Variants in TNS2 observed in about 807,000 individuals in gnomAD.
TNS2 encodes tensin 2.
TNS2 carries 77 observed loss-of-function variants against 155.7 expected under a neutral mutation model. The observed-to-expected ratio is 0.49, with a 90% CI of 0.41 to 0.60. The LOEUF (loss-of-function observed/expected upper bound fraction) is 0.60. Ranked by LOEUF, TNS2 falls within the 20% of genes least tolerant of loss-of-function variation. The probability of loss-of-function intolerance (pLI) is 0.00; values close to 1 mark genes in which losing one functional copy is unlikely to be tolerated. For synonymous variants in TNS2, 726 were observed against 763.9 expected (o/e 0.95, Z 0.82); for missense variants, 1,703 against 1,868.8 (o/e 0.91, Z 1.64).
Position 53,053,984 on chromosome 12 carries a change from A to C in TNS2, c.320A>C (p.Asn107Thr). The change falls in exon 6 of 29, where the codon AAC (asparagine) becomes ACC (threonine). Residue 107 changes from asparagine (N) to threonine (T), a missense_variant. Physicochemically the swap from Asn to Thr is moderately conservative, Grantham distance 65. Coordinates refer to ENST00000314250, the MANE Select transcript of TNS2 (RefSeq NM_170754.4). Reference sequence around the variant, plus strand: ...CACCAGGGATCCACCAAATCTCTGAACCACTCAAAGCAGCGCAGCACTCTG... The same window carrying C: ...CACCAGGGATCCACCAAATCTCTGACCCACTCAAAGCAGCGCAGCACTCTG... ...IEHLGSTKSL[N>T]HSKQRSTLPR... 1 of 1,614,196 alleles carries C rather than the reference A, an allele frequency of 6.2e-7. No homozygotes were observed.
At position 53,060,135 on chromosome 12, in the gene TNS2, TC is replaced by T. The variant is rs748836824; in HGVS notation, c.2498del (p.Pro833ArgfsTer12). 2 of 1,610,142 alleles carry T rather than the reference TC, an allele frequency of 1.2e-6. No individual in the cohort carries two copies. The highest frequency in any genetic ancestry group is 2.7e-5 in the African/African-American group (2 of 74,848). ...CCACTCCCCACGGGCTGGCTCCATTTCCCCGGGCAGCCCGCCCTATCCACAA... is the reference window on the plus strand; with the variant it reads ...CCACTCCCCACGGGCTGGCTCCATTTCCCGGGCAGCCCGCCCTATCCACAA... ...GAHSPRAGSI[S>X]PGSPPYPQSR... On this transcript the variant is annotated frameshift_variant, in exon 18 of 29. Transcript: ENST00000314250. LOFTEE classifies it high-confidence loss of function. This position sits in a 1 kb window ranked among gnomAD's most constrained non-coding sequence, Gnocchi z 6.1.
chr12:53,052,597 CT>C, intron 3 of TNS2, 105 bp downstream of exon 3: 1 of 1,467,968 alleles, frequency 6.8e-7, no homozygotes, highest in East Asian at 2.3e-5. Context: ...ACCTCCACCC[CT>C]CTCACCACTG....
At chr12:53,057,743 C>T (rs1944211622) in intron 12 of TNS2, 30 bp from the exon 13 acceptor site, 2 of 1,613,992 alleles carry the variant, frequency 1.2e-6, no homozygotes, top group Non-Finnish European at 1.7e-6. Context: ...ACTCAGCACC[C>T]CTCCTGTGCC....
rs2121055632 is a variant in TNS2 at position 53,050,511 on chromosome 12, T to TG, written c.75+253dup. On this transcript the variant is annotated intron_variant, in intron 1 of 28. Coordinates refer to ENST00000314250, the MANE Select transcript of TNS2 (RefSeq NM_170754.4). This position sits in a 1 kb window ranked among gnomAD's most constrained non-coding sequence, Gnocchi z 4.7. The stretch of plus-strand genomic sequence containing the variant: ...AGCCTGGGCCAACCCCAGGAGGTCC[T>TG]GGCCCCCCAACATAAGCCCCAGGTG... Among the ~76,000 whole-genome samples the TG allele has an allele frequency of 6.6e-6, 1 of 152,108 alleles. No individual in the cohort carries two copies. The highest frequency in any genetic ancestry group is 1.5e-5 in the Non-Finnish European group (1 of 68,004).
intron 4 of TNS2, 88 bp from the exon 5 acceptor site, chr12:53,053,686 C>T: frequency 1.3e-6 from 2 of 1,564,208 alleles, no homozygotes. Flanking sequence ...AGGACACTGA[C>T]ATTCCCTTCC....
chr12:53,057,841 C>T lies in TNS2; in HGVS notation c.1019+8C>T, dbSNP rs1944214577. ...CTACACATCTGGAGTCTAGTGAGTG[C>T]TCTATTCCCAGGCCCCTGACACTTC... On this transcript the variant is annotated splice_region_variant and intron_variant, in intron 13 of 28. Coordinates refer to ENST00000314250, the MANE Select transcript of TNS2 (RefSeq NM_170754.4). 1.2e-6 allele frequency: 2 copies of T among 1,613,888 alleles called. No individual in the cohort carries two copies. Among genetic ancestry groups the T allele is most frequent in the East Asian group, 4.5e-5 (2 of 44,890 alleles).
In TNS2 at chr12:53,059,233, C is replaced by A; in HGVS notation, c.1592C>A (p.Pro531Gln). 3.2e-6 allele frequency: 5 copies of A among 1,542,826 alleles called. No homozygotes were observed. The highest frequency in any genetic ancestry group is 4.3e-6 in the Non-Finnish European group (5 of 1,154,316). ...TEPAAESPGR[P>Q]PPTAAERQEL... The stretch of plus-strand genomic sequence containing the variant: ...CCGGCTGCTGAGTCCCCTGGCCGGC[C>A]GCCCCCTACAGCTGCTGAACGGCAG... The change falls in exon 18 of 29, where the codon CCG becomes CAG. Residue 531 changes from proline (P) to glutamine (Q), a missense_variant. Coordinates refer to ENST00000314250, the MANE Select transcript of TNS2 (RefSeq NM_170754.4). The surrounding 1 kb of genome is among the most constrained non-coding windows in gnomAD (Gnocchi z 4.7).
In TNS2 at chr12:53,063,829, G is replaced by C; in HGVS notation, c.4177G>C (p.Ala1393Pro). ...LFAELDPDQP[A>P]GAIVTFITKV... ...TGCAGAGCTTGACCCAGATCAGCCT[G>C]CTGGCGCCATTGTCACCTTCATCAC... is the stretch of plus-strand genomic sequence containing the variant. The change falls in exon 29 of 29, where the codon GCT becomes CCT. Residue 1393 changes from alanine (A) to proline (P), a missense_variant. Physicochemically the swap from Ala to Pro is conservative, Grantham distance 27 (BLOSUM62 -1). Transcript: ENST00000314250. This position sits in a 1 kb window ranked among gnomAD's most constrained non-coding sequence, Gnocchi z 5.6. 2 of 1,614,184 alleles carry C rather than the reference G, an allele frequency of 1.2e-6. No individual in the cohort carries two copies. Among genetic ancestry groups the C allele is most frequent in the Non-Finnish European group, 1.7e-6 (2 of 1,180,030 alleles).
In TNS2 at chr12:53,054,366, C is replaced by G. The variant is rs772874906; in HGVS notation, c.447C>G (p.Pro149=). The G allele has an allele frequency of 8.7e-6, 14 of 1,612,494 alleles. No homozygotes were observed. In the South Asian group the frequency reaches 1.4e-4, roughly 16 times the overall value. Residue 149 remains proline (P), a synonymous_variant, in exon 7 of 29, where the codon CCC becomes CCG. Transcript: ENST00000314250. Reference sequence around the variant, plus strand: ...TGGCCGCCGCCTTCCCCGCGCGGCCCGATGAACAGCGGCACCGGGGCCACC... The same window carrying G: ...TGGCCGCCGCCTTCCCCGCGCGGCCGGATGAACAGCGGCACCGGGGCCACC... ...RILAAAFPAR[P]DEQRHRGHLR...
At chr12:53,055,945 A>AGT in intron 10 of TNS2, 100 bp downstream of exon 10, 1 of 1,269,590 alleles carries the variant, frequency 7.9e-7, no homozygotes. Context: ...CTTCGTTGAG[A>AGT]GTCCTTTGCT....
chr12:53,059,897 C>A lies in TNS2; in HGVS notation c.2256C>A (p.Tyr752Ter). 6.2e-7 allele frequency: 1 copy of A among 1,612,876 alleles called. No homozygotes were observed. Among genetic ancestry groups the A allele is most frequent in the South Asian group, 1.1e-5 (1 of 91,040 alleles). The change falls in exon 18 of 29, where the codon TAC (tyrosine) becomes TAA (stop). Residue 752 changes from tyrosine to a stop codon, truncating the protein, a stop_gained. Transcript: ENST00000314250. LOFTEE classifies it high-confidence loss of function. This position sits in a 1 kb window ranked among gnomAD's most constrained non-coding sequence, Gnocchi z 4.7. ...CGHHHAPMPDYSCLKPPKAGE... is the reference protein window; with the variant it reads ...CGHHHAPMPD ...ATCACCATGCCCCGATGCCTGACTACAGCTGCCTGAAGCCACCCAAGGCAG... is the reference window on the plus strand; with the variant it reads ...ATCACCATGCCCCGATGCCTGACTAAAGCTGCCTGAAGCCACCCAAGGCAG...
chr12:53,059,123 C>G lies in TNS2; in HGVS notation c.1482C>G (p.Pro494=), dbSNP rs762491330. Residue 494 remains proline, a synonymous_variant, in exon 18 of 29, where the codon CCC becomes CCG. Transcript: ENST00000314250. This position sits in a 1 kb window ranked among gnomAD's most constrained non-coding sequence, Gnocchi z 4.7. Reference sequence around the variant, plus strand: ...TGCAGCGGCCTCCCCGGCAGACCCCCCCGGCACCCTCTCCAGAGCCTCCAC... The same window carrying G: ...TGCAGCGGCCTCCCCGGCAGACCCCGCCGGCACCCTCTCCAGAGCCTCCAC... ...AQVQRPPRQT[P]PAPSPEPPPP... 12 of 1,573,718 alleles carry G rather than the reference C, an allele frequency of 7.6e-6. 1 individual carries two copies. The South Asian group carries it at 1.4e-4, about 19-fold the overall frequency.
At position 53,063,849 on chromosome 12, in the gene TNS2, C is replaced by T. The variant is rs1258774585; in HGVS notation, c.4197C>T (p.Phe1399=). Residue 1399 remains phenylalanine (F), a synonymous_variant, in exon 29 of 29, where the codon TTC becomes TTT. Coordinates refer to ENST00000314250, the MANE Select transcript of TNS2 (RefSeq NM_170754.4). The surrounding 1 kb of genome is among the most constrained non-coding windows in gnomAD (Gnocchi z 5.6). The part of the protein sequence containing the change: ...PDQPAGAIVT[F]ITKVLLGQRK ...AGCCTGCTGGCGCCATTGTCACCTT[C>T]ATCACCAAAGTTCTACTGGGCCAGA... 6.2e-7 allele frequency: 1 copy of T among 1,614,132 alleles called. No homozygotes were observed. The highest frequency in any genetic ancestry group is 1.3e-5 in the African/African-American group (1 of 75,058).
rs1242291005 is a variant in TNS2, at chr12:53,060,655, T to C, written c.2769-20T>C. ...GCCACAATGGGGGCTCTGCTGACCA[T>C]CTGCCCTTCCACCCTACAGCACCCG... On this transcript the variant is annotated intron_variant, in intron 19 of 28. Transcript: ENST00000314250. This position sits in a 1 kb window ranked among gnomAD's most constrained non-coding sequence, Gnocchi z 6.1. 2 of 1,582,588 alleles carry C rather than the reference T, an allele frequency of 1.3e-6. No individual in the cohort carries two copies. The highest frequency in any genetic ancestry group is 1.7e-5 in the Admixed American group (1 of 59,062).
At position 53,060,949 on chromosome 12, in the gene TNS2, G is replaced by GC; in HGVS notation, c.3048dup (p.Trp1017LeufsTer48). 6.2e-7 allele frequency: 1 copy of GC among 1,601,796 alleles called. No individual in the cohort carries two copies. Among genetic ancestry groups the GC allele is most frequent in the Admixed American group, 1.7e-5 (1 of 58,368 alleles). ...CACCACACTTCCTGGCCTCCGCCAC[G>GC]CCCCCTGGCAAGGCCCTCGAGGCCC... On this transcript the variant is annotated frameshift_variant, in exon 20 of 29. Transcript: ENST00000314250. LOFTEE classifies it high-confidence loss of function. This position sits in a 1 kb window ranked among gnomAD's most constrained non-coding sequence, Gnocchi z 6.1.
rs752595219 is a variant in TNS2, at chr12:53,060,626, A to G, written c.2769-49A>G. 1.3e-6 allele frequency: 2 copies of G among 1,590,314 alleles called. No individual in the cohort carries two copies. Among genetic ancestry groups the G allele is most frequent in the South Asian group, 1.1e-5 (1 of 89,956 alleles). On this transcript the variant is annotated intron_variant, in intron 19 of 28. Coordinates refer to ENST00000314250, the MANE Select transcript of TNS2 (RefSeq NM_170754.4). This position sits in a 1 kb window ranked among gnomAD's most constrained non-coding sequence, Gnocchi z 6.1. ...AGTTGATGAAGGCAGGTGGGGTGGG[A>G]GCAGCCACAATGGGGGCTCTGCTGA...
rs146248748 is a variant in TNS2, at chr12:53,058,292, C to T, written c.1096-24C>T. 1,688 of 1,612,900 alleles carry T rather than the reference C, an allele frequency of 1.0e-3. 13 individuals carry two copies. In the African/African-American group the frequency reaches 0.017, roughly 16 times the overall value. ...GCAGAAGAGGACATGAGGCCTGATCCGCAGCCTCCTGCCTTTCTCCCAGGT... is the reference window on the plus strand; with the variant it reads ...GCAGAAGAGGACATGAGGCCTGATCTGCAGCCTCCTGCCTTTCTCCCAGGT... On this transcript the variant is annotated intron_variant, in intron 14 of 28. Coordinates refer to ENST00000314250, the MANE Select transcript of TNS2 (RefSeq NM_170754.4).
chr12:53,057,905 C>G (rs1944217313), intron 13 of TNS2, 72 bp downstream of exon 13: 2 of 1,610,964 alleles, frequency 1.2e-6, no homozygotes, highest in Admixed American at 3.3e-5. Context: ...TCCTGCTTCT[C>G]CAGCCTCCCT....
chr12:53,049,980 C>T (rs994548290), upstream of TNS2: 50 of 1,323,704 alleles, frequency 3.8e-5, no homozygotes, highest in African/African-American at 5.7e-4. Context: ...CATCCTCCCC[C>T]CTCCACTTCC....
Sources: allele counts gnomAD v4.1 joint callset (sites outside exome capture counted in the v4.1 genomes callset), GRCh38; gene constraint gnomAD v4.1.1; non-coding constraint Gnocchi (gnomAD v3.1); transcripts MANE v1.5; gene names NCBI Gene and HGNC (gene_info 2026-07-23, HGNC 2026-07-21).